The following PRKG1 variants were observed in gnomAD, a reference collection of about 807,000 sequenced individuals.
PRKG1 encodes protein kinase cGMP-dependent 1, also known as cGMP-dependent protein kinase 1.
A neutral mutation model predicts 88.1 loss-of-function variants in PRKG1; 35 were observed. That is an observed-to-expected ratio of 0.40 (90% CI 0.30 to 0.53). The LOEUF (loss-of-function observed/expected upper bound fraction) is 0.53, where lower values mean the gene tolerates loss of function less well. PRKG1 is among the 20% of genes least tolerant of loss of function. PRKG1 has a pLI of 0.59. For synonymous variants in PRKG1, 303 were observed against 292.5 expected (o/e 1.04, Z -0.37); for missense variants, 540 against 839.8 (o/e 0.64, Z 4.41).
At chr10:51,805,316 A>G (rs1048995523) in intron 4 of PRKG1, among the ~76,000 whole-genome samples, 2 of 152,040 alleles carry the variant, frequency 1.3e-5, no homozygotes, top group African/African-American at 2.4e-5. Flanking sequence ...AAATTAGAAT[A>G]AAAACCAGCT....
chr10:51,334,152 T>TCTCTCTCTCTC (rs1841809659), intron 2 of PRKG1, among the ~76,000 whole-genome samples: 2 of 137,134 alleles, frequency 1.5e-5, no homozygotes, highest in South Asian at 2.4e-4. Flanking sequence ...CTCTCTCTCT[T>TCTCTCTCTCTC]TCTCTCTCTC....
intron 3 of PRKG1, among the ~76,000 whole-genome samples, chr10:51,471,977 T>C (rs1298063353): frequency 6.6e-6 from 1 of 151,934 alleles, no homozygotes; most frequent in Non-Finnish European, 1.5e-5. Flanking sequence ...ATAACAAGTA[T>C]TTAATTTTTT....
intron 1 of PRKG1, among the ~76,000 whole-genome samples, chr10:51,097,450 T>C (rs1844558825): frequency 6.6e-6 from 1 of 152,120 alleles, no homozygotes. Flanking sequence ...CTGAAACTCC[T>C]GGGCTCAAGC....
intron 2 of PRKG1, among the ~76,000 whole-genome samples, chr10:51,378,502 CTGCATTTTTCCT>C (rs1471232623): frequency 6.6e-6 from 1 of 152,202 alleles, no homozygotes; most frequent in Non-Finnish European, 1.5e-5. Context: ...CCACTGAGCT[CTGCATTTTTCCT>C]TGTTTACACA....
intron 2 of PRKG1, among the ~76,000 whole-genome samples, chr10:51,228,231 T>C (rs922447782): frequency 6.6e-6 from 1 of 152,210 alleles, no homozygotes; most frequent in African/African-American, 2.4e-5. Flanking sequence ...GTTATGTTAT[T>C]GTGTCTGCCC....
intron 5 of PRKG1, among the ~76,000 whole-genome samples, chr10:52,039,902 TA>T (rs1319476442): frequency 6.6e-6 from 1 of 152,022 alleles, no homozygotes; most frequent in Middle Eastern, 3.2e-3. Context: ...TACTGCAGAA[TA>T]AAAAAGGGGG....
At chr10:51,517,603 A>C (rs192181290) in intron 3 of PRKG1, among the ~76,000 whole-genome samples, 1 of 152,254 alleles carries the variant, frequency 6.6e-6, no homozygotes, top group South Asian at 2.1e-4. Flanking sequence ...CTTCGTGAAC[A>C]TGCAAATCAG....
intron 1 of PRKG1, among the ~76,000 whole-genome samples, chr10:50,997,069 G>A (rs1445290883): frequency 6.6e-6 from 1 of 152,174 alleles, no homozygotes; most frequent in African/African-American, 2.4e-5. Context: ...CTGTACAGGA[G>A]GTGGTAGTGT....
Position 51,399,469 on chromosome 10 carries a change from A to G in PRKG1, c.479-68254A>G, listed in dbSNP as rs532991927. ...AAAAAATAAATGCATCCACAAGCAC[A>G]TGGAAGATTATAGGGAATATTTGTC... is the stretch of plus-strand genomic sequence containing the variant. On this transcript the variant is annotated intron_variant, in intron 2 of 17. Coordinates refer to ENST00000373980, the MANE Select transcript of PRKG1 (RefSeq NM_006258.4). Among the ~76,000 whole-genome samples the G allele has an allele frequency of 2.2e-3, 336 of 152,346 alleles. 3 individuals are homozygous for G. Among genetic ancestry groups the G allele is most frequent in the African/African-American group, 7.7e-3 (319 of 41,588 alleles).
At chr10:51,754,632 G>T (rs1279761288) in intron 3 of PRKG1, among the ~76,000 whole-genome samples, 1 of 152,164 alleles carries the variant, frequency 6.6e-6, no homozygotes, top group Non-Finnish European at 1.5e-5. Context: ...ATGAGCAGCT[G>T]AGCTATTGGA....
At chr10:51,739,834 G>A (rs758453128) in intron 3 of PRKG1, among the ~76,000 whole-genome samples, 13 of 152,222 alleles carry the variant, frequency 8.5e-5, no homozygotes, top group East Asian at 1.9e-4. Flanking sequence ...TTAGCCAAGC[G>A]TGGTGGCGCA....
At chr10:51,007,983 A>C (rs2132721296) in intron 1 of PRKG1, among the ~76,000 whole-genome samples, 1 of 152,268 alleles carries the variant, frequency 6.6e-6, no homozygotes, top group Non-Finnish European at 1.5e-5. Context: ...CTCAGTGCAA[A>C]CACATCAAGT....
chr10:51,528,747 C>T (rs917382522), intron 3 of PRKG1, among the ~76,000 whole-genome samples: 2 of 152,028 alleles, frequency 1.3e-5, no homozygotes, highest in African/African-American at 2.4e-5. Context: ...CTGCATTAAC[C>T]ATGCAGAGGA....
intron 12 of PRKG1, among the ~76,000 whole-genome samples, chr10:52,274,212 G>A (rs925268831): frequency 2.0e-5 from 3 of 152,090 alleles, no homozygotes; most frequent in Admixed American, 6.5e-5. Flanking sequence ...TGAGATTTTG[G>A]TGTACCCATC....
intron 2 of PRKG1, among the ~76,000 whole-genome samples, chr10:51,166,449 A>G (rs1846544428): frequency 6.6e-6 from 1 of 152,170 alleles, no homozygotes; most frequent in African/African-American, 2.4e-5. Context: ...AATTTACAAG[A>G]AAAACATGAT....
chr10:52,259,251 G>A (rs1372729687), intron 10 of PRKG1, among the ~76,000 whole-genome samples: 2 of 151,936 alleles, frequency 1.3e-5, no homozygotes, highest in East Asian at 1.9e-4. Flanking sequence ...TTTAGGTGGC[G>A]CTGCTCCCAG....
chr10:51,681,936 T>C (rs538152449), intron 3 of PRKG1, among the ~76,000 whole-genome samples: 147 of 152,326 alleles, frequency 9.7e-4, no homozygotes, highest in Non-Finnish European at 1.5e-3. Context: ...GTGCGCTATA[T>C]ATATAACATT....
intron 5 of PRKG1, among the ~76,000 whole-genome samples, chr10:51,932,988 T>C (rs1208296700): frequency 2.0e-5 from 3 of 152,186 alleles, no homozygotes; most frequent in Non-Finnish European, 4.4e-5. Flanking sequence ...TACATGACTA[T>C]ACATTTTTGA....
chr10:51,838,535 C>G (rs527872719), intron 4 of PRKG1, among the ~76,000 whole-genome samples: 16 of 152,296 alleles, frequency 1.1e-4, no homozygotes, highest in South Asian at 4.1e-4. Context: ...TTAAAGGGAG[C>G]TTCCTTTTTT....
Sources: gnomAD v4.1 joint callset for allele counts (sites outside exome capture counted in the v4.1 genomes callset) on GRCh38, gnomAD v4.1.1 for gene constraint, MANE v1.5 for transcripts, NCBI Gene and HGNC (gene_info 2026-07-23, HGNC 2026-07-21) for gene names.